The following MYO16 variants were observed in gnomAD, a reference collection of about 807,000 sequenced individuals.
The protein encoded by MYO16 is myosin XVI.
MYO16 carries 94 observed loss-of-function variants against 205.3 expected under a neutral mutation model. That is an observed-to-expected ratio of 0.46 (90% CI 0.39 to 0.54). MYO16 has a LOEUF of 0.54. MYO16 is among the 20% of genes least tolerant of loss of function. The pLI, the probability that MYO16 is intolerant of heterozygous loss-of-function variation, is 0.00. For missense variants in MYO16, 2,315 were observed against 2,387.5 expected (o/e 0.97, Z 0.63); for synonymous variants, 988 against 954.0 (o/e 1.04, Z -0.66).
At chr13:109,151,494 A>T (rs1877661727) in intron 32 of MYO16, among the ~76,000 whole-genome samples, 1 of 152,228 alleles carries the variant, frequency 6.6e-6, no homozygotes, top group Admixed American at 6.5e-5. Flanking sequence ...ACTTGCACTG[A>T]TTTACAGCAG....
intron 21 of MYO16, among the ~76,000 whole-genome samples, chr13:109,004,988 G>T (rs1188365038): frequency 2.6e-5 from 4 of 152,128 alleles, no homozygotes; most frequent in Non-Finnish European, 5.9e-5. Flanking sequence ...AACACTTAAA[G>T]GTTTAAAAGG....
At chr13:108,639,767 A>G (rs1880418188) in intron 1 of MYO16, among the ~76,000 whole-genome samples, 1 of 152,216 alleles carries the variant, frequency 6.6e-6, no homozygotes, top group Admixed American at 6.5e-5. Flanking sequence ...GATGACCCAC[A>G]TGGGTGAAGA....
At chr13:108,663,236 C>T (rs959403802) in intron 1 of MYO16, among the ~76,000 whole-genome samples, 8 of 152,078 alleles carry the variant, frequency 5.3e-5, no homozygotes, top group South Asian at 2.1e-4. Context: ...CTGCTCTGTC[C>T]GCAGCTGCAA....
chr13:108,953,976 T>C (rs1421501758), intron 16 of MYO16, among the ~76,000 whole-genome samples: 4 of 152,196 alleles, frequency 2.6e-5, no homozygotes, highest in Non-Finnish European at 4.4e-5. Context: ...AGATTGTCTG[T>C]TTTGAATTGG....
intron 33 of MYO16, among the ~76,000 whole-genome samples, chr13:109,171,232 A>G (rs1052674289): frequency 2.6e-5 from 4 of 152,222 alleles, no homozygotes; most frequent in Admixed American, 1.3e-4. Context: ...CGTCAGTATT[A>G]TAGAAATTGA....
intron 28 of MYO16, among the ~76,000 whole-genome samples, chr13:109,106,848 TGG>T (rs1426494622): frequency 2.6e-5 from 4 of 152,146 alleles, no homozygotes; most frequent in Non-Finnish European, 5.9e-5. Flanking sequence ...AGAAGTTTTG[TGG>T]GTAGGCAAAG....
At chr13:109,050,834 G>A (rs753567045) in intron 24 of MYO16, among the ~76,000 whole-genome samples, 5 of 151,346 alleles carry the variant, frequency 3.3e-5, no homozygotes, top group Non-Finnish European at 7.4e-5. Flanking sequence ...TTCAAAGCTA[G>A]CTCCTATTTC....
At chr13:108,608,987 A>T (rs76828794) in intron 1 of MYO16, among the ~76,000 whole-genome samples, 1,888 of 152,228 alleles carry the variant, frequency 0.012, 41 homozygotes, top group South Asian at 0.086. Flanking sequence ...ATGTAAAAAA[A>T]TTTTTTAATC....
At chr13:108,523,953 G>A in the MYO16 span, among the ~76,000 whole-genome samples, 1 of 152,174 alleles carries the variant, frequency 6.6e-6, no homozygotes, top group Non-Finnish European at 1.5e-5. Flanking sequence ...CCATCCTTTT[G>A]GTGCTGTCCT....
At chr13:109,040,034 G>T (rs1886830930) in intron 23 of MYO16, among the ~76,000 whole-genome samples, 1 of 151,810 alleles carries the variant, frequency 6.6e-6, no homozygotes. Context: ...AGATACAAAG[G>T]GAATATTACA....
intron 23 of MYO16, among the ~76,000 whole-genome samples, chr13:109,026,372 G>T (rs1412874243): frequency 6.6e-6 from 1 of 152,080 alleles, no homozygotes; most frequent in Non-Finnish European, 1.5e-5. Flanking sequence ...TGTGACCACG[G>T]GGGGAGGTAT....
chr13:108,595,541 G>C (rs1442584050), upstream of MYO16, among the ~76,000 whole-genome samples: 1 of 152,168 alleles, frequency 6.6e-6, no homozygotes, highest in Non-Finnish European at 1.5e-5. Context: ...AGGTTAATCA[G>C]GTCTCTAATA....
At chr13:108,810,885 C>A (rs950270689) in intron 7 of MYO16, among the ~76,000 whole-genome samples, 1 of 152,124 alleles carries the variant, frequency 6.6e-6, no homozygotes, top group Non-Finnish European at 1.5e-5. Context: ...GGATGATGTA[C>A]ATATTTTAAA....
Position 108,798,248 on chromosome 13 carries a change from T to C in MYO16, c.741+4608T>C, listed in dbSNP as rs567580444. Among the ~76,000 whole-genome samples, 47 of 152,218 alleles carry C rather than the reference T, an allele frequency of 3.1e-4. No individual in the cohort carries two copies. The South Asian group carries it at 9.1e-3, about 30-fold the overall frequency. On this transcript the variant is annotated intron_variant, in intron 6 of 34. Coordinates refer to ENST00000457511, the MANE Select transcript of MYO16 (RefSeq NM_001198950.3). ...GGAGAAGAAGACAGTTTTGTTCAGATTGATTTCCATACCTGCGATGGAATG... is the reference window on the plus strand; with the variant it reads ...GGAGAAGAAGACAGTTTTGTTCAGACTGATTTCCATACCTGCGATGGAATG...
the MYO16 span, among the ~76,000 whole-genome samples, chr13:108,504,327 A>T: frequency 6.6e-6 from 1 of 151,270 alleles, no homozygotes; most frequent in Non-Finnish European, 1.5e-5. Context: ...GGGTTTTGCC[A>T]AGTTGGCCAG....
intron 22 of MYO16, 120 bp downstream of exon 22, chr13:109,009,169 A>G (rs1885509090): frequency 2.5e-6 from 2 of 788,380 alleles, no homozygotes; most frequent in Non-Finnish European, 3.8e-6. Context: ...AGATTCTGCA[A>G]TAATTTTTCA....
intron 4 of MYO16, among the ~76,000 whole-genome samples, chr13:108,772,606 A>C (rs1384305099): frequency 2.0e-5 from 3 of 152,270 alleles, no homozygotes; most frequent in African/African-American, 7.2e-5. Flanking sequence ...AAAAAATGCG[A>C]TCAAGTGCAT....
chr13:109,160,776 G>C (rs1566541950), intron 32 of MYO16, among the ~76,000 whole-genome samples: 1 of 152,180 alleles, frequency 6.6e-6, no homozygotes, highest in African/African-American at 2.4e-5. Context: ...TGATGACTTT[G>C]TTTGCACTGT....
intron 20 of MYO16, among the ~76,000 whole-genome samples, chr13:108,983,444 C>T (rs1236861637): frequency 6.6e-6 from 1 of 152,214 alleles, no homozygotes; most frequent in Non-Finnish European, 1.5e-5. Flanking sequence ...AAGAGTTGCA[C>T]ATTCTCTTGA....
Sources: allele counts gnomAD v4.1 joint callset (sites outside exome capture counted in the v4.1 genomes callset), GRCh38; gene constraint gnomAD v4.1.1; transcripts MANE v1.5; gene names NCBI Gene and HGNC (gene_info 2026-07-23, HGNC 2026-07-21).